MTOR: variants seen among roughly 807,000 people sequenced by gnomAD.
MTOR encodes the protein serine/threonine-protein kinase mTOR.
In MTOR, 70 loss-of-function variants were observed where a neutral mutation model predicts 319.8. That is an observed-to-expected ratio of 0.22 (90% CI 0.18 to 0.27). The LOEUF is 0.27. Ranked by LOEUF, MTOR falls within the 10% of genes least tolerant of loss-of-function variation. The probability of loss-of-function intolerance (pLI) is 1.00; values close to 1 mark genes in which losing one functional copy is unlikely to be tolerated. For synonymous variants in MTOR, 1,183 were observed against 1,211.4 expected (o/e 0.98, Z 0.49); for missense variants, 1,890 against 3,274.4 (o/e 0.58, Z 10.32).
intron 11 of MTOR, 32 bp downstream of exon 11, chr1:11,240,271 C>G (rs777776759): frequency 1.3e-6 from 2 of 1,516,910 alleles, no homozygotes; most frequent in Non-Finnish European, 1.8e-6. Flanking sequence ...GCATCTCTCA[C>G]TATCTTGGCA....
At chr1:11,150,584 C>T (rs911956417) in intron 30 of MTOR, among the ~76,000 whole-genome samples, 5 of 152,148 alleles carry the variant, frequency 3.3e-5, no homozygotes, top group Non-Finnish European at 5.9e-5. Context: ...TCTGAAGAGA[C>T]GCATCTGGAC....
At chr1:11,202,772 C>T (rs1044180077) in intron 26 of MTOR, among the ~76,000 whole-genome samples, 4 of 151,988 alleles carry the variant, frequency 2.6e-5, no homozygotes, top group Admixed American at 2.0e-4. Flanking sequence ...TTAGCTGGGC[C>T]TGGTGCGTGT....
In MTOR at chr1:11,106,621, G is replaced by A. The variant is rs1274810462; in HGVS notation, c.*864C>T. On this transcript the variant is annotated 3_prime_UTR_variant, in exon 58 of 58. Transcript: ENST00000361445. Reference sequence around the variant, plus strand: ...TAGACATGGCTACACTTTATACTTTGTGCATTTAGTTGAGTATTTGTTCTG... The same window carrying A: ...TAGACATGGCTACACTTTATACTTTATGCATTTAGTTGAGTATTTGTTCTG... 2.8e-6 allele frequency: 3 copies of A among 1,088,352 alleles called. No individual in the cohort carries two copies. The highest frequency in any genetic ancestry group is 9.5e-5 in the Admixed American group (2 of 21,100). The allele number at this position is 1,088,352 out of a possible 1,614,324, so 67.4% of individuals were successfully genotyped here.
rs1557460733 is a variant in MTOR, at chr1:11,234,281, G to C, written c.2209-16C>G. 8.7e-6 allele frequency: 14 copies of C among 1,604,408 alleles called. No individual in the cohort carries two copies. Among genetic ancestry groups the C allele is most frequent in the African/African-American group, 2.7e-5 (2 of 74,640 alleles). On this transcript the variant is annotated splice_polypyrimidine_tract_variant and intron_variant, in intron 13 of 57. Coordinates refer to ENST00000361445, the MANE Select transcript of MTOR (RefSeq NM_004958.4). ...CTGTCAAAATCTGTAGGGAAGAAAG[G>C]CTCATATGTTCTCTATGGCAGAAGA...
chr1:11,129,020 T>A lies in MTOR; in HGVS notation c.5715-69A>T. On this transcript the variant is annotated intron_variant, in intron 40 of 57. Transcript: ENST00000361445. The surrounding 1 kb of genome is among the most constrained non-coding windows in gnomAD (Gnocchi z 4.7). Reference sequence around the variant, plus strand: ...TTTTTGCCTGCCTGTTTTTCATCTCTAAGGCTCCTGAGAAGAGAGCTGGCA... The same window carrying A: ...TTTTTGCCTGCCTGTTTTTCATCTCAAAGGCTCCTGAGAAGAGAGCTGGCA... The A allele has an allele frequency of 7.6e-7, 1 of 1,316,096 alleles. No individual in the cohort carries two copies. The highest frequency in any genetic ancestry group is 1.1e-6 in the Non-Finnish European group (1 of 931,164). 81.5% of individuals were successfully genotyped at this position (1,316,096 alleles called of 1,614,324 possible).
intron 13 of MTOR, among the ~76,000 whole-genome samples, chr1:11,236,786 C>T (rs539254530): frequency 6.6e-6 from 1 of 152,178 alleles, no homozygotes; most frequent in Non-Finnish European, 1.5e-5. Context: ...GCTGGGATTA[C>T]AGGCATGAGC....
At chr1:11,149,758 T>C (rs2100534748) in intron 31 of MTOR, among the ~76,000 whole-genome samples, 1 of 152,214 alleles carries the variant, frequency 6.6e-6, no homozygotes, top group East Asian at 1.9e-4. Flanking sequence ...GGGTCAGAAA[T>C]GAACTACTTG....
At position 11,212,183 on chromosome 1, in the gene MTOR, G is replaced by GA. The variant is rs542129140; in HGVS notation, c.3561+128dup. 6.2e-4 allele frequency: 761 copies of GA among 1,221,648 alleles called. 6 individuals are homozygous for GA. Among genetic ancestry groups the GA allele is most frequent in the Non-Finnish European group, 5.4e-4 (478 of 879,064 alleles). 75.7% of individuals were successfully genotyped at this position (1,221,648 alleles called of 1,614,324 possible). On this transcript the variant is annotated intron_variant, in intron 23 of 57. Transcript: ENST00000361445. The surrounding 1 kb of genome is among the most constrained non-coding windows in gnomAD (Gnocchi z 4.1). ...TAAATGTTTGCTGAACACATGAAAA[G>GA]AAAAAAAGCAAGTAATTCCACGTTC...
In MTOR at chr1:11,258,546, G is replaced by T. The variant is rs1285222493; in HGVS notation, c.210C>A (p.His70Gln). The T allele has an allele frequency of 6.2e-7, 1 of 1,614,144 alleles. No individual in the cohort carries two copies. The highest frequency in any genetic ancestry group is 2.2e-5 in the East Asian group (1 of 44,888). Reference protein sequence around the residue: ...STRFYDQLNHHIFELVSSSDA... With the variant: ...STRFYDQLNHQIFELVSSSDA... ...CTGAGCTGGAAACCAATTCAAAAATGTGATGGTTCAGTTGGTCATAGAAGC... is the reference window on the plus strand; with the variant it reads ...CTGAGCTGGAAACCAATTCAAAAATTTGATGGTTCAGTTGGTCATAGAAGC... Residue 70 changes from histidine (H) to glutamine (Q), a missense_variant, in exon 3 of 58, where the codon CAC (histidine) becomes CAA (glutamine). Transcript: ENST00000361445.
At chr1:11,146,962 T>C (rs529391740) in intron 31 of MTOR, among the ~76,000 whole-genome samples, 171 bp from the exon 32 acceptor site, 7 of 152,318 alleles carry the variant, frequency 4.6e-5, no homozygotes, top group African/African-American at 1.7e-4. Flanking sequence ...ATACACACTA[T>C]GCAGGTTGAC....
rs149487206 is a variant in MTOR at position 11,213,945 on chromosome 1, C to T, written c.3118-379G>A. 1.6e-3 allele frequency among the ~76,000 whole-genome samples: 247 copies of T among 152,332 alleles called. 2 individuals are homozygous for T. The highest frequency in any genetic ancestry group is 5.7e-3 in the African/African-American group (237 of 41,570). ...GATCCACTTGGGTCCTTTGCACTCC[C>T]TTTGATAGCGATAGCAGTTGTAAGA... On this transcript the variant is annotated intron_variant, in intron 20 of 57. Transcript: ENST00000361445.
chr1:11,247,209 C>T (rs937849726), intron 8 of MTOR, among the ~76,000 whole-genome samples: 1 of 152,124 alleles, frequency 6.6e-6, no homozygotes, highest in Non-Finnish European at 1.5e-5. Context: ...GCTTCAGGAG[C>T]CAAGGATTGA....
intron 29 of MTOR, among the ~76,000 whole-genome samples, chr1:11,163,041 T>G (rs1450413298): frequency 6.6e-6 from 1 of 151,918 alleles, no homozygotes; most frequent in East Asian, 1.9e-4. Flanking sequence ...AGGAGACCCA[T>G]CTCACGTGCA....
At chr1:11,179,116 GAA>G (rs1389512894) in intron 28 of MTOR, among the ~76,000 whole-genome samples, 1 of 152,202 alleles carries the variant, frequency 6.6e-6, no homozygotes, top group East Asian at 1.9e-4. Flanking sequence ...CACAGCCAGT[GAA>G]AAGTCCAGAA....
intron 9 of MTOR, 90 bp from the exon 10 acceptor site, chr1:11,241,771 T>C: frequency 6.7e-7 from 1 of 1,500,854 alleles, no homozygotes; most frequent in Middle Eastern, 1.8e-4. Context: ...GAGAGCAGGT[T>C]ACTCAGGCAG....
Position 11,167,490 on chromosome 1 carries a change from C to T in MTOR, c.4281G>A (p.Glu1427=), listed in dbSNP as rs1644683552. The T allele has an allele frequency of 6.2e-7, 1 of 1,613,172 alleles. No homozygotes were observed. Among genetic ancestry groups the T allele is most frequent in the African/African-American group, 1.3e-5 (1 of 75,030 alleles). The change falls in exon 29 of 58, where the codon GAG becomes GAA. Residue 1427 remains glutamate, a synonymous_variant. Coordinates refer to ENST00000361445, the MANE Select transcript of MTOR (RefSeq NM_004958.4). The part of the protein sequence containing the change: ...ISINNKLQQP[E]AAAGVLEYAM... Reference sequence around the variant, plus strand: ...CATATTCTAACACTCCGGCCGCTGCCTCCGGCTGCTGTAGCTTATTATTAA... The same window carrying T: ...CATATTCTAACACTCCGGCCGCTGCTTCCGGCTGCTGTAGCTTATTATTAA...
intron 25 of MTOR, among the ~76,000 whole-genome samples, chr1:11,206,546 C>T (rs985489788): frequency 6.6e-6 from 1 of 152,222 alleles, no homozygotes; most frequent in Non-Finnish European, 1.5e-5. Flanking sequence ...TGTTCCACCA[C>T]AGTGCTTGAC....
intron 28 of MTOR, among the ~76,000 whole-genome samples, chr1:11,194,122 T>C (rs1351455598): frequency 6.6e-6 from 1 of 152,170 alleles, no homozygotes; most frequent in Non-Finnish European, 1.5e-5. Context: ...GGACCCTTGC[T>C]GAAGGTCTGA....
intron 47 of MTOR, among the ~76,000 whole-genome samples, chr1:11,123,716 G>A (rs945597930): frequency 6.6e-6 from 1 of 151,848 alleles, no homozygotes; most frequent in African/African-American, 2.4e-5. Context: ...CAATCCTCCT[G>A]CTGTAGCCTT....
Sources: gnomAD v4.1 joint callset for allele counts (sites outside exome capture counted in the v4.1 genomes callset) on GRCh38, gnomAD v4.1.1 for gene constraint, Gnocchi (gnomAD v3.1) non-coding constraint, MANE v1.5 for transcripts, NCBI Gene and HGNC (gene_info 2026-07-23, HGNC 2026-07-21) for gene names.